UTRN: variants seen among roughly 807,000 people sequenced by gnomAD.
The protein encoded by UTRN is utrophin, also known as dystrophin-related protein 1.
Under a neutral mutation model 463.9 loss-of-function variants are expected in UTRN, and 283 were observed. The observed-to-expected ratio is 0.61, with a 90% CI of 0.55 to 0.67. UTRN has a LOEUF of 0.67. UTRN is among the 30% of genes least tolerant of loss of function. The pLI, the probability that UTRN is intolerant of heterozygous loss-of-function variation, is 0.00. For missense variants in UTRN, 3,922 were observed against 4,084.3 expected, an observed-to-expected ratio of 0.96 and a Z score of 1.08; for synonymous variants, 1,442 against 1,431.5, an observed-to-expected ratio of 1.01 and a Z score of -0.17.
intron 3 of UTRN, among the ~76,000 whole-genome samples, chr6:144,418,218 C>CT (rs36107882): frequency 0.73 from 102,003 of 139,506 alleles, 37,444 homozygotes; most frequent in East Asian, 0.84. Flanking sequence ...ATTTATATTT[C>CT]TTTTTTTTTT....
chr6:144,500,403 G>A (rs1794065613), intron 34 of UTRN, among the ~76,000 whole-genome samples: 1 of 152,116 alleles, frequency 6.6e-6, no homozygotes, highest in Non-Finnish European at 1.5e-5. Flanking sequence ...TTGGCTGCTA[G>A]TATGTCCTTT....
At chr6:144,476,328 C>T (rs1222315271) in intron 25 of UTRN, among the ~76,000 whole-genome samples, 1 of 151,862 alleles carries the variant, frequency 6.6e-6, no homozygotes, top group African/African-American at 2.4e-5. Flanking sequence ...TATAAGGTTA[C>T]TGCAGGCTTG....
intron 24 of UTRN, 120 bp from the exon 25 acceptor site, chr6:144,474,483 GA>G: frequency 9.7e-7 from 1 of 1,035,668 alleles, no homozygotes; most frequent in Non-Finnish European, 1.3e-6. Flanking sequence ...TAAGTAGTTA[GA>G]AGTACTGACT....
intron 58 of UTRN, among the ~76,000 whole-genome samples, chr6:144,771,504 C>A (rs1794005104): frequency 6.6e-6 from 1 of 152,146 alleles, no homozygotes; most frequent in African/African-American, 2.4e-5. Flanking sequence ...CGGCTCACTG[C>A]AACCTCCACC....
chr6:144,735,272 A>C (rs1397889437), intron 54 of UTRN, among the ~76,000 whole-genome samples: 1 of 152,164 alleles, frequency 6.6e-6, no homozygotes, highest in Non-Finnish European at 1.5e-5. Flanking sequence ...TTGATTCCTG[A>C]GCTAGTCTTA....
intron 52 of UTRN, 90 bp from the exon 53 acceptor site, chr6:144,699,997 G>C: frequency 7.5e-7 from 1 of 1,331,616 alleles, no homozygotes; most frequent in South Asian, 1.9e-5. Flanking sequence ...GGTCAGATAA[G>C]ATTATTATGC....
chr6:144,391,238 CT>C (rs1781894495), intron 2 of UTRN, among the ~76,000 whole-genome samples: 1 of 152,018 alleles, frequency 6.6e-6, no homozygotes, highest in South Asian at 2.1e-4. Context: ...TACCCAGACA[CT>C]TTTTTGATTT....
At chr6:144,636,997 T>C in intron 51 of UTRN, among the ~76,000 whole-genome samples, 1 of 152,188 alleles carries the variant, frequency 6.6e-6, no homozygotes, top group East Asian at 1.9e-4. Context: ...TGAGACGGAG[T>C]CTTCATTGAC....
intron 2 of UTRN, among the ~76,000 whole-genome samples, chr6:144,394,157 A>C (rs1782188205): frequency 6.6e-6 from 1 of 152,184 alleles, no homozygotes; most frequent in Non-Finnish European, 1.5e-5. Flanking sequence ...TGGCTTTTAC[A>C]ATGCTCATTC....
intron 51 of UTRN, among the ~76,000 whole-genome samples, chr6:144,640,661 A>G (rs1777675195): frequency 6.6e-6 from 1 of 152,188 alleles, no homozygotes; most frequent in South Asian, 2.1e-4. Flanking sequence ...AAATTGCTAT[A>G]TAAATGCTTG....
intron 30 of UTRN, among the ~76,000 whole-genome samples, chr6:144,489,652 C>T (rs961192158): frequency 2.0e-5 from 3 of 152,098 alleles, no homozygotes; most frequent in Admixed American, 1.3e-4. Context: ...GACGGATTCT[C>T]ACTCTGTTGC....
chr6:144,645,430 A>G (rs1359811110), intron 51 of UTRN, among the ~76,000 whole-genome samples: 1 of 152,220 alleles, frequency 6.6e-6, no homozygotes, highest in Non-Finnish European at 1.5e-5. Context: ...CTTCTGCATT[A>G]TTCCTTGGGC....
At chr6:144,726,709 A>G (rs1314667924) in intron 53 of UTRN, among the ~76,000 whole-genome samples, 1 of 152,202 alleles carries the variant, frequency 6.6e-6, no homozygotes, top group Admixed American at 6.5e-5. Context: ...ACATTCAATA[A>G]GGTAGGTGGG....
intron 56 of UTRN, among the ~76,000 whole-genome samples, chr6:144,753,963 C>T (rs1312867556): frequency 6.6e-6 from 1 of 151,972 alleles, no homozygotes; most frequent in Admixed American, 6.6e-5. Flanking sequence ...TATCTCAACC[C>T]GAAGTAGAGA....
chr6:144,461,425 TA>T lies in UTRN; in HGVS notation c.2853+92del, dbSNP rs571453036. 3.0e-3 allele frequency: 3,942 copies of T among 1,311,208 alleles called. 5 individuals carry two copies. The highest frequency in any genetic ancestry group is 5.8e-3 in the African/African-American group (388 of 66,598). 81.2% of individuals were successfully genotyped at this position (1,311,208 alleles called of 1,614,324 possible). On this transcript the variant is annotated intron_variant, in intron 22 of 74. Coordinates refer to ENST00000367545, the MANE Select transcript of UTRN (RefSeq NM_007124.3). The stretch of plus-strand genomic sequence containing the variant: ...TATTTTGAAATGTTTTTTCAGAGAT[TA>T]AAAAAAAAGTTGGTCAGTTTTGTTC...
At chr6:144,490,003 G>C (rs905376808) in intron 30 of UTRN, 68 bp from the exon 31 acceptor site, 1 of 1,563,082 alleles carries the variant, frequency 6.4e-7, no homozygotes, top group South Asian at 1.2e-5. Flanking sequence ...TAGAACTTTT[G>C]TATTGTCTCT....
At chr6:144,771,555 A>G (rs1360751574) in intron 58 of UTRN, among the ~76,000 whole-genome samples, 1 of 152,018 alleles carries the variant, frequency 6.6e-6, no homozygotes, top group African/African-American at 2.4e-5. Context: ...CCTCCTGAGT[A>G]GCTAGGACTA....
chr6:144,706,460 T>G (rs993969920), intron 53 of UTRN, among the ~76,000 whole-genome samples: 2 of 152,092 alleles, frequency 1.3e-5, no homozygotes, highest in Non-Finnish European at 2.9e-5. Flanking sequence ...TCTCTTACTT[T>G]CATTTACTTA....
At chr6:144,576,669 A>G (rs1013597443) in intron 50 of UTRN, among the ~76,000 whole-genome samples, 1 of 152,132 alleles carries the variant, frequency 6.6e-6, no homozygotes, top group African/African-American at 2.4e-5. Flanking sequence ...AATTGTATTG[A>G]CTTACATAAA....
Sources: gnomAD v4.1 joint callset for allele counts (sites outside exome capture counted in the v4.1 genomes callset) on GRCh38, gnomAD v4.1.1 for gene constraint, MANE v1.5 for transcripts, NCBI Gene and HGNC (gene_info 2026-07-23, HGNC 2026-07-21) for gene names.